OR6N1: variants seen among roughly 807,000 people sequenced by gnomAD.
The protein encoded by OR6N1 is olfactory receptor 6N1.
For missense variants in OR6N1, 394 were observed against 371.7 expected, an observed-to-expected ratio of 1.06 and a Z score of -0.49; for synonymous variants, 170 against 150.7, an observed-to-expected ratio of 1.13 and a Z score of -0.94.
chr1:158,802,199 CTTTTTTTTTTTTT>C, the OR6N1 span, among the ~76,000 whole-genome samples: 8 of 105,198 alleles, frequency 7.6e-5, no homozygotes, highest in South Asian at 3.3e-4. Flanking sequence ...CCTCATAGCA[CTTTTTTTTTTTTT>C]TTTTTTTTTT....
At chr1:158,788,477 C>T in the OR6N1 span, among the ~76,000 whole-genome samples, 1 of 151,812 alleles carries the variant, frequency 6.6e-6, no homozygotes, top group Non-Finnish European at 1.5e-5. Context: ...ACTATTTTTG[C>T]TTATTTTATA....
At chr1:158,794,896 CAT>C in the OR6N1 span, among the ~76,000 whole-genome samples, 3 of 152,140 alleles carry the variant, frequency 2.0e-5, no homozygotes, top group Admixed American at 6.5e-5. Context: ...TTGTGTTTGC[CAT>C]ATGTTACCCA....
the OR6N1 span, among the ~76,000 whole-genome samples, chr1:158,832,871 G>A: frequency 6.6e-6 from 1 of 151,980 alleles, no homozygotes. Flanking sequence ...CCTAGTTGAT[G>A]AGTTTAGTCC....
the OR6N1 span, among the ~76,000 whole-genome samples, chr1:158,778,304 T>A: frequency 6.6e-6 from 1 of 152,272 alleles, no homozygotes; most frequent in South Asian, 2.1e-4. Context: ...CACTTCAGTG[T>A]GCCTGAGAAG....
chr1:158,776,953 A>C (rs199717306), upstream of OR6N1: 1 of 1,614,132 alleles, frequency 6.2e-7, no homozygotes, highest in East Asian at 2.2e-5. Context: ...TGCTGTTTTT[A>C]TCTTCAGCAC....
At chr1:158,789,564 G>C in the OR6N1 span, among the ~76,000 whole-genome samples, 1 of 151,966 alleles carries the variant, frequency 6.6e-6, no homozygotes, top group Non-Finnish European at 1.5e-5. Flanking sequence ...TGTGGTTTTG[G>C]TTTGCATTTC....
At chr1:158,810,127 C>T in the OR6N1 span, among the ~76,000 whole-genome samples, 3 of 152,270 alleles carry the variant, frequency 2.0e-5, no homozygotes, top group South Asian at 6.2e-4. Context: ...AAGACTCTTA[C>T]AACACAGATA....
chr1:158,818,587 T>C, the OR6N1 span, among the ~76,000 whole-genome samples: 2 of 152,120 alleles, frequency 1.3e-5, no homozygotes, highest in Admixed American at 6.5e-5. Context: ...TAGCAATGTG[T>C]AGAGTCTGTA....
chr1:158,788,387 A>T, the OR6N1 span, among the ~76,000 whole-genome samples: 1 of 152,168 alleles, frequency 6.6e-6, no homozygotes, highest in Non-Finnish European at 1.5e-5. Flanking sequence ...GTAAACTTTC[A>T]TGTTTGTCAT....
the OR6N1 span, among the ~76,000 whole-genome samples, chr1:158,804,516 C>T: frequency 6.6e-6 from 1 of 152,078 alleles, no homozygotes; most frequent in East Asian, 1.9e-4. Flanking sequence ...TTGTTAAAAG[C>T]TTAAGTGATA....
chr1:158,794,401 G>A, the OR6N1 span, among the ~76,000 whole-genome samples: 1 of 152,084 alleles, frequency 6.6e-6, no homozygotes, highest in Non-Finnish European at 1.5e-5. Flanking sequence ...TCAGTGTGAT[G>A]CACTCCCCCT....
the OR6N1 span, among the ~76,000 whole-genome samples, chr1:158,801,481 G>C: frequency 0.014 from 2,163 of 152,290 alleles, 51 homozygotes; most frequent in African/African-American, 0.048. Context: ...CAAAGGGAAT[G>C]AGGAGAGAGA....
At chr1:158,795,382 G>A in the OR6N1 span, among the ~76,000 whole-genome samples, 1 of 152,162 alleles carries the variant, frequency 6.6e-6, no homozygotes, top group Non-Finnish European at 1.5e-5. Context: ...TCATAACACA[G>A]GGGCATCCAG....
chr1:158,812,497 G>A, the OR6N1 span, among the ~76,000 whole-genome samples: 3 of 152,200 alleles, frequency 2.0e-5, no homozygotes, highest in East Asian at 5.8e-4. Context: ...AGAAAAGAAT[G>A]AGGCCTTCTG....
At chr1:158,820,459 T>C in the OR6N1 span, among the ~76,000 whole-genome samples, 1 of 152,188 alleles carries the variant, frequency 6.6e-6, no homozygotes, top group East Asian at 1.9e-4. Context: ...AATACTTAAT[T>C]GTAAGGTTGT....
chr1:158,782,571 G>A, the OR6N1 span, among the ~76,000 whole-genome samples: 1 of 152,148 alleles, frequency 6.6e-6, no homozygotes, highest in Admixed American at 6.5e-5. Context: ...ATAGGATGTG[G>A]GCTCATATTA....
At chr1:158,776,849 T>A, upstream of OR6N1, 3 of 1,614,166 alleles carry the variant, frequency 1.9e-6, no homozygotes, top group Non-Finnish European at 2.5e-6. Context: ...TAGCTCTTCT[T>A]TAGCCGCACA....
the OR6N1 span, among the ~76,000 whole-genome samples, chr1:158,816,243 C>T: frequency 6.6e-6 from 1 of 151,962 alleles, no homozygotes; most frequent in Non-Finnish European, 1.5e-5. Flanking sequence ...CATCCTGTCT[C>T]TGGAATAATA....
At chr1:158,781,030 A>C in the OR6N1 span, 4 of 152,232 alleles carry the variant, frequency 2.6e-5, no homozygotes, top group South Asian at 2.1e-4. Context: ...GAATTATTTC[A>C]AGTCCCAGTT....
Sources: allele counts gnomAD v4.1 joint callset (sites outside exome capture counted in the v4.1 genomes callset), GRCh38; gene constraint gnomAD v4.1.1; transcripts MANE v1.5; gene names NCBI Gene and HGNC (gene_info 2026-07-23, HGNC 2026-07-21).